LHFPL3: variants seen among roughly 807,000 people sequenced by gnomAD.
The protein encoded by LHFPL3 is LHFPL tetraspan subfamily member 3, also known as LHFPL tetraspan subfamily member 3 protein.
In LHFPL3, 5 loss-of-function variants were observed where a neutral mutation model predicts 19.3. That is an observed-to-expected ratio of 0.26 (90% confidence interval 0.14 to 0.54). The LOEUF (loss-of-function observed/expected upper bound fraction) is 0.54. Among genes scored for constraint, LHFPL3 ranks in the 20% least tolerant of loss-of-function variants. The probability of loss-of-function intolerance (pLI) is 0.94; values close to 1 mark genes in which losing one functional copy is unlikely to be tolerated. For missense variants in LHFPL3, 249 were observed against 307.4 expected (o/e 0.81, Z 1.42); for synonymous variants, 133 against 126.2 (o/e 1.05, Z -0.36).
intron 1 of LHFPL3, among the ~76,000 whole-genome samples, chr7:104,384,624 TA>T (rs1264428634): frequency 6.7e-6 from 1 of 148,780 alleles, no homozygotes. Context: ...CCATCTCTAT[TA>T]AAAAAAAACA....
intron 1 of LHFPL3, among the ~76,000 whole-genome samples, chr7:104,515,697 G>C (rs1285107699): frequency 6.6e-6 from 1 of 152,108 alleles, no homozygotes; most frequent in East Asian, 1.9e-4. Flanking sequence ...AGTAACAAAA[G>C]CAATACGAAA....
chr7:104,703,448 C>G (rs1793137128), intron 1 of LHFPL3, among the ~76,000 whole-genome samples: 1 of 152,128 alleles, frequency 6.6e-6, no homozygotes, highest in Admixed American at 6.5e-5. Context: ...TGTGTAAAAC[C>G]TAAGAGCACA....
chr7:104,408,476 C>G (rs1791463769), intron 1 of LHFPL3, among the ~76,000 whole-genome samples: 1 of 152,018 alleles, frequency 6.6e-6, no homozygotes, highest in South Asian at 2.1e-4. Flanking sequence ...TGACAGTCTT[C>G]TACAATCCCC....
chr7:104,462,070 A>G lies in LHFPL3; in HGVS notation c.445+132846A>G, dbSNP rs371893318. ...GCTGTTGGTGGTATATAAGAATGCT[A>G]CTGAATTTTGTACATCGATTGTATA... is the stretch of plus-strand genomic sequence containing the variant. On this transcript the variant is annotated intron_variant, in intron 1 of 2. Coordinates refer to ENST00000424859, the MANE Select transcript of LHFPL3 (RefSeq NM_199000.3). Among the ~76,000 whole-genome samples, 39 of 152,296 alleles carry G rather than the reference A, an allele frequency of 2.6e-4. 2 individuals carry two copies. In the East Asian group the frequency reaches 3.3e-3, roughly 13 times the overall value.
chr7:104,684,468 G>A (rs1190007480), intron 1 of LHFPL3, among the ~76,000 whole-genome samples: 1 of 152,190 alleles, frequency 6.6e-6, no homozygotes, highest in Non-Finnish European at 1.5e-5. Context: ...AATGAGCCTA[G>A]CTGTGTTCCA....
chr7:104,893,010 A>C (rs942341185), intron 2 of LHFPL3, among the ~76,000 whole-genome samples: 1 of 152,082 alleles, frequency 6.6e-6, no homozygotes. Flanking sequence ...TTTCAAGACC[A>C]GCCTGGACAA....
intron 1 of LHFPL3, among the ~76,000 whole-genome samples, chr7:104,435,410 C>G (rs1306164406): frequency 6.6e-6 from 1 of 151,840 alleles, no homozygotes; most frequent in Non-Finnish European, 1.5e-5. Flanking sequence ...CCTAGAATTA[C>G]AAACATGAGT....
chr7:104,595,505 C>T (rs1189932811), intron 1 of LHFPL3, among the ~76,000 whole-genome samples: 1 of 152,202 alleles, frequency 6.6e-6, no homozygotes, highest in African/African-American at 2.4e-5. Context: ...CCCAATTAGG[C>T]TATACAGGGG....
intron 1 of LHFPL3, among the ~76,000 whole-genome samples, chr7:104,607,220 C>G (rs1344135241): frequency 6.6e-6 from 1 of 152,168 alleles, no homozygotes; most frequent in Non-Finnish European, 1.5e-5. Flanking sequence ...AAATTCCTCC[C>G]AAAATTAGCT....
intron 2 of LHFPL3, among the ~76,000 whole-genome samples, chr7:104,778,455 G>C (rs563764518): frequency 6.6e-6 from 1 of 152,162 alleles, no homozygotes; most frequent in Non-Finnish European, 1.5e-5. Context: ...CCCAAGAGGC[G>C]TCCTGAGCTC....
intron 1 of LHFPL3, among the ~76,000 whole-genome samples, chr7:104,370,643 G>T (rs538799536): frequency 2.0e-5 from 3 of 152,214 alleles, no homozygotes; most frequent in Non-Finnish European, 4.4e-5. Context: ...AGCACTTTGG[G>T]TGGCCAATGC....
At chr7:104,479,087 A>G (rs190661249) in intron 1 of LHFPL3, among the ~76,000 whole-genome samples, 1 of 152,126 alleles carries the variant, frequency 6.6e-6, no homozygotes, top group African/African-American at 2.4e-5. Context: ...GGTGGCTGTT[A>G]TCTCTAGCTC....
chr7:104,846,200 AAT>A (rs1478493147), intron 2 of LHFPL3, among the ~76,000 whole-genome samples: 1 of 152,178 alleles, frequency 6.6e-6, no homozygotes, highest in African/African-American at 2.4e-5. Context: ...GAGTGATTTC[AAT>A]ATGTGATAAA....
chr7:104,456,917 G>T (rs1393561415), intron 1 of LHFPL3, among the ~76,000 whole-genome samples: 1 of 152,050 alleles, frequency 6.6e-6, no homozygotes, highest in East Asian at 1.9e-4. Flanking sequence ...ATTTTCTATT[G>T]AATATTTTTG....
intron 1 of LHFPL3, among the ~76,000 whole-genome samples, chr7:104,542,496 G>C (rs1794504678): frequency 6.6e-6 from 1 of 152,076 alleles, no homozygotes; most frequent in Non-Finnish European, 1.5e-5. Flanking sequence ...TGCTTTTTGA[G>C]ACTTCCTAAA....
chr7:104,394,509 A>G (rs908873014), intron 1 of LHFPL3, among the ~76,000 whole-genome samples: 2 of 152,170 alleles, frequency 1.3e-5, no homozygotes, highest in African/African-American at 4.8e-5. Flanking sequence ...CTCTTTGAGC[A>G]TGTTTTATTT....
intron 1 of LHFPL3, among the ~76,000 whole-genome samples, chr7:104,431,479 T>A (rs1468158305): frequency 6.6e-6 from 1 of 152,218 alleles, no homozygotes; most frequent in East Asian, 1.9e-4. Context: ...TGATCCTTGC[T>A]TTTTTAGAGG....
At chr7:104,571,625 G>C (rs1790233000) in intron 1 of LHFPL3, among the ~76,000 whole-genome samples, 1 of 152,088 alleles carries the variant, frequency 6.6e-6, no homozygotes, top group African/African-American at 2.4e-5. Context: ...ATTGCTCCTT[G>C]GATGGAGACA....
chr7:104,565,777 T>C (rs576954458), intron 1 of LHFPL3, among the ~76,000 whole-genome samples: 2 of 150,402 alleles, frequency 1.3e-5, no homozygotes, highest in Admixed American at 6.6e-5. Flanking sequence ...CTATCTAATC[T>C]ATCTATCTGT....
Sources: gnomAD v4.1 joint callset for allele counts (sites outside exome capture counted in the v4.1 genomes callset) on GRCh38, gnomAD v4.1.1 for gene constraint, MANE v1.5 for transcripts, NCBI Gene and HGNC (gene_info 2026-07-23, HGNC 2026-07-21) for gene names.